Variants in SOX6 observed in about 807,000 individuals in gnomAD.
The protein encoded by SOX6 is transcription factor SOX-6.
In SOX6, 11 loss-of-function variants were observed where a neutral mutation model predicts 97.8. That is an observed-to-expected ratio of 0.11 (90% CI 0.07 to 0.19). SOX6 has a LOEUF of 0.19. Among genes scored for constraint, SOX6 ranks in the 10% least tolerant of loss-of-function variants. The pLI, the probability that SOX6 is intolerant of heterozygous loss-of-function variation, is 1.00. For missense variants in SOX6, 810 were observed against 1,039.5 expected (o/e 0.78, Z 3.04); for synonymous variants, 360 against 371.4 (o/e 0.97, Z 0.35).
At chr11:16,731,162 C>T (rs750502629) in intron 2 of SOX6, among the ~76,000 whole-genome samples, 1 of 152,036 alleles carries the variant, frequency 6.6e-6, no homozygotes, top group Non-Finnish European at 1.5e-5. Context: ...CGAATTCTAC[C>T]AGAGATACAA....
rs1853838990 is a variant in SOX6 at position 15,986,309 on chromosome 11, C to T, written c.2078G>A (p.Arg693Gln). ...EKYPNYKYKP[R>Q]PKRTCIVDGK... ...ATCAACAATGCAGGTGCGTTTCGGT[C>T]GGGGTTTGTATTTATAGTTTGGGTA... The change falls in exon 15 of 16, where the codon CGA (arginine) becomes CAA (glutamine). Residue 693 changes from arginine (R) to glutamine (Q), a missense_variant. Arg to Gln is a conservative substitution (Grantham distance 43). Around this residue, in one of 9 missense-constraint regions of SOX6, gnomAD observed 51 missense variants for 145.7 expected, o/e 0.35. Transcript: ENST00000683767. 6.2e-7 allele frequency: 1 copy of T among 1,614,016 alleles called. No individual in the cohort carries two copies.
intron 4 of SOX6, among the ~76,000 whole-genome samples, chr11:16,552,194 A>T (rs1035389147): frequency 2.0e-5 from 3 of 152,190 alleles, no homozygotes; most frequent in Non-Finnish European, 4.4e-5. Context: ...TTGACAAATC[A>T]TAAAGTAAAA....
At position 16,605,135 on chromosome 11, in the gene SOX6, G is replaced by A. The variant is rs1014636925; in HGVS notation, n.609+6946C>T. 4.6e-5 allele frequency among the ~76,000 whole-genome samples: 7 copies of A among 151,884 alleles called. No homozygotes were observed. Among genetic ancestry groups the A allele is most frequent in the Admixed American group, 3.3e-4 (5 of 15,276 alleles). ...CCGCCCCCTGCCCTGGGCCGAGCCC[G>A]GGAGCAGCGGACCGCGGCCCCGGCT... On this transcript the variant is annotated intron_variant and non_coding_transcript_variant, in intron 4 of 5. Transcript: ENST00000524520. The surrounding 1 kb of genome is among the most constrained non-coding windows in gnomAD (Gnocchi z 5.3).
chr11:16,025,723 T>C (rs1480797128), intron 12 of SOX6, among the ~76,000 whole-genome samples: 1 of 152,086 alleles, frequency 6.6e-6, no homozygotes, highest in African/African-American at 2.4e-5. Context: ...ACTGATAAAT[T>C]TGAAGATTTT....
At chr11:16,449,383 C>T (rs1205452803) in intron 1 of SOX6, among the ~76,000 whole-genome samples, 1 of 145,720 alleles carries the variant, frequency 6.9e-6, no homozygotes, top group Non-Finnish European at 1.5e-5. Context: ...AGCTCCGCCT[C>T]CCGGGTTCGC....
chr11:16,678,326 C>G (rs1357408176), intron 3 of SOX6, among the ~76,000 whole-genome samples: 2 of 152,200 alleles, frequency 1.3e-5, no homozygotes, highest in East Asian at 3.8e-4. Flanking sequence ...CAGCATTCCT[C>G]AAGTTTTAAC....
At chr11:16,700,816 GGT>G (rs1176978976) in intron 3 of SOX6, among the ~76,000 whole-genome samples, 2 of 151,926 alleles carry the variant, frequency 1.3e-5, no homozygotes. Context: ...CTGGTCTCTG[GGT>G]GCACCAGCAT....
intron 6 of SOX6, among the ~76,000 whole-genome samples, chr11:16,148,390 C>T (rs1050363821): frequency 6.6e-6 from 1 of 152,028 alleles, no homozygotes. Context: ...TGGAGAAAGC[C>T]GGGATTGTTA....
At chr11:16,468,650 T>C (rs978198434) in intron 1 of SOX6, among the ~76,000 whole-genome samples, 14 of 152,328 alleles carry the variant, frequency 9.2e-5, no homozygotes, top group Admixed American at 3.3e-4. Flanking sequence ...TATGAGGTCA[T>C]GGTAAAACAT....
chr11:16,524,274 T>G (rs1332519935), intron 4 of SOX6, among the ~76,000 whole-genome samples: 9 of 151,410 alleles, frequency 5.9e-5, no homozygotes, highest in Admixed American at 4.0e-4. Flanking sequence ...AAAAAGCTTA[T>G]CCACCATGAT....
intron 6 of SOX6, among the ~76,000 whole-genome samples, chr11:16,149,911 T>C (rs933589993): frequency 6.6e-6 from 1 of 152,212 alleles, no homozygotes; most frequent in African/African-American, 2.4e-5. Context: ...CAGGATCTTT[T>C]AGTCAACCAA....
At chr11:16,414,880 A>G (rs1254834084) in intron 1 of SOX6, among the ~76,000 whole-genome samples, 6 of 152,170 alleles carry the variant, frequency 3.9e-5, no homozygotes, top group African/African-American at 1.2e-4. Flanking sequence ...TGAGAGGATA[A>G]TATAAATATA....
intron 7 of SOX6, among the ~76,000 whole-genome samples, chr11:16,109,928 C>T (rs1849187924): frequency 1.3e-5 from 2 of 152,114 alleles, no homozygotes; most frequent in Admixed American, 1.3e-4. Flanking sequence ...CTCTGTTACC[C>T]CAGGACACTA....
intron 10 of SOX6, among the ~76,000 whole-genome samples, chr11:16,051,359 A>G (rs889182593): frequency 1.9e-4 from 29 of 152,264 alleles, no homozygotes; most frequent in South Asian, 2.1e-4. Context: ...TTAAATTCTA[A>G]TTTATTGGAC....
At chr11:16,583,614 C>CATATAT (rs534690651) in intron 4 of SOX6, among the ~76,000 whole-genome samples, 1,180 of 104,652 alleles carry the variant, frequency 0.011, 67 homozygotes, top group Admixed American at 0.015. Context: ...TATATATATA[C>CATATAT]ATATATATAT....
chr11:16,349,642 G>A (rs1405916988), intron 1 of SOX6, among the ~76,000 whole-genome samples: 1 of 138,116 alleles, frequency 7.2e-6, no homozygotes, highest in African/African-American at 2.6e-5. Flanking sequence ...ATAAGAAGAG[G>A]AAAGAAAACA....
intron 6 of SOX6, among the ~76,000 whole-genome samples, chr11:16,146,382 C>T (rs1589972779): frequency 1.3e-5 from 2 of 152,228 alleles, no homozygotes; most frequent in African/African-American, 4.8e-5. Context: ...AATGTTAGAC[C>T]TAAAACCATA....
At chr11:16,490,626 A>G (rs1285449264) in intron 4 of SOX6, among the ~76,000 whole-genome samples, 1 of 152,074 alleles carries the variant, frequency 6.6e-6, no homozygotes, top group Admixed American at 6.5e-5. Flanking sequence ...CAGTAATAGT[A>G]ATGATTAAAA....
intron 3 of SOX6, among the ~76,000 whole-genome samples, chr11:16,662,727 T>C (rs1847775212): frequency 6.6e-6 from 1 of 152,178 alleles, no homozygotes; most frequent in Admixed American, 6.5e-5. Context: ...AGGGTCTCAC[T>C]CTGTCACCCA....
Sources: gnomAD v4.1 joint callset for allele counts (sites outside exome capture counted in the v4.1 genomes callset) on GRCh38, gnomAD v4.1.1 for gene constraint, gnomAD v4.1.1 regional missense constraint, Gnocchi (gnomAD v3.1) non-coding constraint, MANE v1.5 for transcripts, NCBI Gene and HGNC (gene_info 2026-07-23, HGNC 2026-07-21) for gene names.